DHRS12: variants seen among roughly 807,000 people sequenced by gnomAD.
The protein encoded by DHRS12 is dehydrogenase/reductase 12, also known as dehydrogenase/reductase SDR family member 12.
A neutral mutation model predicts 32.1 loss-of-function variants in DHRS12; 29 were observed. The ratio of observed to expected loss-of-function variants is 0.90; its 90% CI spans 0.67 to 1.23. The LOEUF (loss-of-function observed/expected upper bound fraction) is 1.23, where lower values mean the gene tolerates loss of function less well. DHRS12 is among the 50% of genes most tolerant of loss of function. DHRS12 has a pLI of 0.00. For synonymous variants in DHRS12, 150 were observed against 135.9 expected (o/e 1.10, Z -0.72); for missense variants, 330 against 337.2 (o/e 0.98, Z 0.17).
chr13:51,768,871 C>G, intron 8 of DHRS12: 1 of 1,371,434 alleles, frequency 7.3e-7, no homozygotes, highest in Middle Eastern at 2.7e-4. Context: ...CCTCAGCAAA[C>G]TGCAGAGAAA....
intron 4 of DHRS12, 132 bp from the exon 5 acceptor site, chr13:51,777,253 G>A: frequency 1.1e-6 from 1 of 882,142 alleles, no homozygotes; most frequent in Non-Finnish European, 1.8e-6. Flanking sequence ...CTGAGGGGCA[G>A]TCCCTCCTTC....
chr13:51,783,422 A>C (rs1954812480), intron 4 of DHRS12, among the ~76,000 whole-genome samples: 1 of 152,224 alleles, frequency 6.6e-6, no homozygotes, highest in Non-Finnish European at 1.5e-5. Flanking sequence ...TACATGCCAG[A>C]CATTGAGCTG....
chr13:51,768,317 CAG>C (rs1953844948), intron 8 of DHRS12, 21 bp from the exon 9 acceptor site: 1 of 1,535,346 alleles, frequency 6.5e-7, no homozygotes, highest in African/African-American at 1.4e-5. Context: ...GAGGGAACCG[CAG>C]AGAGGTGTGA....
intron 6 of DHRS12, 94 bp downstream of exon 6, chr13:51,773,836 C>T: frequency 9.6e-7 from 1 of 1,046,998 alleles, no homozygotes; most frequent in Non-Finnish European, 1.5e-6. Flanking sequence ...CTACTAAGGT[C>T]CGATTAATGT....
intron 5 of DHRS12, among the ~76,000 whole-genome samples, chr13:51,776,758 G>A (rs1352147914): frequency 1.3e-5 from 2 of 152,234 alleles, no homozygotes; most frequent in Non-Finnish European, 2.9e-5. Context: ...GCACCACCCT[G>A]ACCTGAGCAC....
chr13:51,782,238 G>A lies in DHRS12; in HGVS notation c.302-5117C>T, dbSNP rs1954747905. Reference sequence around the variant, plus strand: ...GATCTGGGCTGGAAGGGGGCCCTTGGGAGCCAGGCACATGATGGCATTGGG... The same window carrying A: ...GATCTGGGCTGGAAGGGGGCCCTTGAGAGCCAGGCACATGATGGCATTGGG... On this transcript the variant is annotated intron_variant, in intron 4 of 8. Coordinates refer to ENST00000444610, the MANE Select transcript of DHRS12 (RefSeq NM_001377533.1). The surrounding 1 kb of genome is among the most constrained non-coding windows in gnomAD (Gnocchi z 4.2). Among the ~76,000 whole-genome samples the A allele has an allele frequency of 6.6e-6, 1 of 152,110 alleles. No homozygotes were observed. Among genetic ancestry groups the A allele is most frequent in the African/African-American group, 2.4e-5 (1 of 41,410 alleles).
the DHRS12 span, among the ~76,000 whole-genome samples, chr13:51,757,103 G>C: frequency 6.6e-6 from 1 of 152,188 alleles, no homozygotes; most frequent in African/African-American, 2.4e-5. Flanking sequence ...AGGAGGATCT[G>C]CAGGGTAGCT....
At chr13:51,771,219 TGCTGTGGCTGCTGC>T (rs1311278194) in intron 7 of DHRS12, 32 of 1,551,374 alleles carry the variant, frequency 2.1e-5, no homozygotes, top group Non-Finnish European at 2.8e-5. Flanking sequence ...CTGGGGTGTG[TGCTGTGGCTGCTGC>T]TGCTTTCAGT....
chr13:51,790,935 C>T (rs1264266631), intron 3 of DHRS12, among the ~76,000 whole-genome samples: 2 of 152,056 alleles, frequency 1.3e-5, no homozygotes, highest in East Asian at 3.8e-4. Flanking sequence ...ATCTATCCTC[C>T]CACAACACCT....
chr13:51,787,532 G>A (rs1165460435), intron 4 of DHRS12, among the ~76,000 whole-genome samples: 1 of 151,406 alleles, frequency 6.6e-6, no homozygotes, highest in South Asian at 2.1e-4. Context: ...AGCGTGGGTC[G>A]TGGAGGAAGT....
chr13:51,780,593 G>A (rs1954661078), intron 4 of DHRS12, among the ~76,000 whole-genome samples: 1 of 152,168 alleles, frequency 6.6e-6, no homozygotes, highest in Admixed American at 6.5e-5. Flanking sequence ...AAAGAGATCT[G>A]GCAGTGGAAT....
At chr13:51,769,326 A>T in intron 7 of DHRS12, 33 bp from the exon 8 acceptor site, 1 of 1,434,520 alleles carries the variant, frequency 7.0e-7, no homozygotes, top group Non-Finnish European at 9.2e-7. Context: ...GGATTAGGAC[A>T]GCATTCTCCA....
chr13:51,785,423 T>G (rs1397989389), intron 4 of DHRS12, among the ~76,000 whole-genome samples: 1 of 152,200 alleles, frequency 6.6e-6, no homozygotes, highest in Admixed American at 6.5e-5. Context: ...AGAAGTACAC[T>G]TCTCTGATTC....
intron 1 of DHRS12, chr13:51,803,515 G>A (rs1471812453): frequency 1.3e-5 from 2 of 152,286 alleles, no homozygotes; most frequent in African/African-American, 4.8e-5. Flanking sequence ...ACTGAGCGTG[G>A]TCACGGGGCG....
chr13:51,790,470 T>C (rs148944104), intron 3 of DHRS12, among the ~76,000 whole-genome samples: 1 of 152,202 alleles, frequency 6.6e-6, no homozygotes, highest in African/African-American at 2.4e-5. Context: ...TAACCAAATA[T>C]ATCCAAAATA....
chr13:51,772,855 G>A (rs1236290241), intron 6 of DHRS12: 1 of 985,354 alleles, frequency 1.0e-6, no homozygotes, highest in Non-Finnish European at 1.2e-6. Context: ...TTGGAGTCAT[G>A]AGATGTAATT....
In DHRS12 at chr13:51,771,824, G is replaced by C. The variant is rs1273993291; in HGVS notation, c.556C>G (p.Pro186Ala). The stretch of plus-strand genomic sequence containing the variant: ...GCAATTAAAGGCTATGACATACCTG[G>C]GGTGTCGGCCCAGCCAGGATGCATG... Reference protein sequence around the residue: ...SSMHPGWADTPGVRQAMPGFH... With the variant: ...SSMHPGWADTAGVRQAMPGFH... The change falls in exon 7 of 9, where the codon CCA becomes GCA. Residue 186 changes from proline to alanine, a missense_variant. Physicochemically the swap from Pro to Ala is conservative, Grantham distance 27. Coordinates refer to ENST00000444610, the MANE Select transcript of DHRS12 (RefSeq NM_001377533.1). 1 of 1,614,110 alleles carries C rather than the reference G, an allele frequency of 6.2e-7. No individual in the cohort carries two copies. The highest frequency in any genetic ancestry group is 1.7e-5 in the Admixed American group (1 of 60,016).
the DHRS12 span, chr13:51,761,152 C>T: frequency 2.0e-5 from 3 of 152,070 alleles, no homozygotes; most frequent in Non-Finnish European, 4.4e-5. Context: ...CTTACTAAAA[C>T]GGTATGTGGG....
Position 51,768,026 on chromosome 13 carries a change from T to C in DHRS12, c.*161A>G, listed in dbSNP as rs910152036. 14 of 1,429,602 alleles carry C rather than the reference T, an allele frequency of 9.8e-6. No homozygotes were observed. The highest frequency in any genetic ancestry group is 1.1e-5 in the Non-Finnish European group (12 of 1,096,300). The allele number at this position is 1,429,602 out of a possible 1,614,324, so 88.6% of individuals were successfully genotyped here. A position where few individuals can be genotyped will look rare whatever the true frequency, so the allele number is the denominator to read the frequency against. ...GAGCCTGATCACAGCCTCGGTAGTATTTATTTTGAAATAAAAGTTCCCATC... is the reference window on the plus strand; with the variant it reads ...GAGCCTGATCACAGCCTCGGTAGTACTTATTTTGAAATAAAAGTTCCCATC... On this transcript the variant is annotated 3_prime_UTR_variant, in exon 9 of 9. Transcript: ENST00000444610.
Sources: allele counts gnomAD v4.1 joint callset (sites outside exome capture counted in the v4.1 genomes callset), GRCh38; gene constraint gnomAD v4.1.1; non-coding constraint Gnocchi (gnomAD v3.1); transcripts MANE v1.5; gene names NCBI Gene and HGNC (gene_info 2026-07-23, HGNC 2026-07-21).